The following TLE1 variants were observed in gnomAD, a reference collection of about 807,000 sequenced individuals.
The protein encoded by TLE1 is transducin-like enhancer protein 1.
A neutral mutation model predicts 89.8 loss-of-function variants in TLE1; 21 were observed. The ratio of observed to expected loss-of-function variants is 0.23; its 90% CI spans 0.17 to 0.34. The LOEUF is 0.34. TLE1 is among the 10% of genes least tolerant of loss of function. The pLI is 1.00. For missense variants in TLE1, 795 were observed against 1,031.2 expected, an observed-to-expected ratio of 0.77 and a Z score of 3.14; for synonymous variants, 447 against 407.6, an observed-to-expected ratio of 1.10 and a Z score of -1.16.
At chr9:81,602,609 A>T (rs913043063) in intron 14 of TLE1, among the ~76,000 whole-genome samples, 6 of 152,166 alleles carry the variant, frequency 3.9e-5, no homozygotes, top group African/African-American at 1.4e-4. Flanking sequence ...GTACTCAAAA[A>T]GTTTCAGATT....
intron 4 of TLE1, among the ~76,000 whole-genome samples, chr9:81,657,667 G>A (rs766927458): frequency 2.0e-5 from 3 of 152,072 alleles, no homozygotes; most frequent in South Asian, 4.2e-4. Flanking sequence ...GTGGTCTCTC[G>A]GTATCTGTGA....
intron 17 of TLE1, among the ~76,000 whole-genome samples, chr9:81,587,223 G>A (rs1304213962): frequency 6.6e-6 from 1 of 152,162 alleles, no homozygotes; most frequent in African/African-American, 2.4e-5. Flanking sequence ...GCTCTCTGGT[G>A]CGGGGTAAAT....
rs35060460 is a variant in TLE1, at chr9:81,675,698, G to GTTTTTTTTTT, written c.234+9977_234+9978insAAAAAAAAAA. On this transcript the variant is annotated intron_variant, in intron 4 of 19. Transcript: ENST00000376499. The stretch of plus-strand genomic sequence containing the variant: ...AATTTTAGCATAAGGACTCACACTA[G>GTTTTTTTTTT]TTTTTTTTTGTTTTTTTTTTTGAGA... Among the ~76,000 whole-genome samples the GTTTTTTTTTT allele has an allele frequency of 4.6e-3, 598 of 129,422 alleles. 62 individuals carry two copies. Among genetic ancestry groups the GTTTTTTTTTT allele is most frequent in the Non-Finnish European group, 5.6e-3 (356 of 63,738 alleles). 84.9% of individuals were successfully genotyped at this position (129,422 alleles called of 152,430 possible). A position where few individuals can be genotyped will look rare whatever the true frequency, so the allele number is the denominator to read the frequency against.
chr9:81,592,185 C>T (rs62578590), intron 15 of TLE1, among the ~76,000 whole-genome samples: 11,367 of 152,182 alleles, frequency 0.075, 505 homozygotes, highest in Middle Eastern at 0.15. Flanking sequence ...GGTGAAACCC[C>T]GTCTCTACTA....
chr9:81,678,843 G>GA lies in TLE1; in HGVS notation c.234+6832dup, dbSNP rs571527868. On this transcript the variant is annotated intron_variant, in intron 4 of 19. Coordinates refer to ENST00000376499, the MANE Select transcript of TLE1 (RefSeq NM_005077.5). The stretch of plus-strand genomic sequence containing the variant: ...TGACAGAGCAAGACTCCATCTCAAA[G>GA]AAAAAAAAAATTAGGGGCTGGGACC... Among the ~76,000 whole-genome samples the GA allele has an allele frequency of 2.0e-3, 295 of 145,242 alleles. 1 individual carries two copies. The highest frequency in any genetic ancestry group is 7.8e-3 in the Middle Eastern group (2 of 258).
chr9:81,592,271 C>T (rs543759136), intron 15 of TLE1, among the ~76,000 whole-genome samples: 62 of 152,258 alleles, frequency 4.1e-4, no homozygotes, highest in East Asian at 9.7e-4. Context: ...GGCAGGAGAA[C>T]GGCGTAAACC....
intron 17 of TLE1, among the ~76,000 whole-genome samples, chr9:81,586,757 A>C (rs2131745068): frequency 6.6e-6 from 1 of 152,322 alleles, no homozygotes; most frequent in South Asian, 2.1e-4. Context: ...TGCTGTACTC[A>C]TATGTATTTG....
intron 8 of TLE1, among the ~76,000 whole-genome samples, chr9:81,628,420 G>T (rs1340601499): frequency 6.6e-6 from 1 of 152,190 alleles, no homozygotes; most frequent in Non-Finnish European, 1.5e-5. Context: ...CTCCGGGAAT[G>T]AACGTGATTT....
chr9:81,613,071 G>C (rs1424869371), intron 12 of TLE1, among the ~76,000 whole-genome samples: 3 of 152,120 alleles, frequency 2.0e-5, no homozygotes, highest in African/African-American at 4.8e-5. Flanking sequence ...CAAAGCCCAG[G>C]AGGCAGAGGT....
chr9:81,613,865 A>G (rs1784615520), intron 11 of TLE1, among the ~76,000 whole-genome samples: 2 of 149,480 alleles, frequency 1.3e-5, no homozygotes, highest in African/African-American at 4.9e-5. Flanking sequence ...TCAGAAACAC[A>G]TGTCCTGGCC....
In TLE1 at chr9:81,611,827, G is replaced by A. The variant is rs1205893807; in HGVS notation, c.1196C>T (p.Pro399Leu). ...CGCGGCGGCTGCGGCGCTCATCTGG[G>A]GCGACATGTTGTGTAAACTGGCGTA... ...AAYASLHNMS[P>L]QMSAAAAAAA... is the part of the protein sequence containing the mutation. Residue 399 changes from proline to leucine, a missense_variant, in exon 13 of 20, where the codon CCC (proline) becomes CTC (leucine). By Grantham distance (98) the Pro-to-Leu change is moderately conservative. Around this residue, in one of 4 missense-constraint regions of TLE1, gnomAD observed 468 missense variants for 509.1 expected, o/e 0.92. Transcript: ENST00000376499. 1.3e-6 allele frequency: 2 copies of A among 1,560,956 alleles called. No homozygotes were observed. Among genetic ancestry groups the A allele is most frequent in the Non-Finnish European group, 1.7e-6 (2 of 1,158,362 alleles).
chr9:81,688,080 C>T, intron 1 of TLE1, 137 bp downstream of exon 1: 1 of 1,112,200 alleles, frequency 9.0e-7, no homozygotes. Flanking sequence ...GAAGAGAGGG[C>T]CCCAGACCTC....
intron 6 of TLE1, among the ~76,000 whole-genome samples, chr9:81,639,946 C>T (rs1827902195): frequency 6.6e-6 from 1 of 152,080 alleles, no homozygotes; most frequent in African/African-American, 2.4e-5. Context: ...GTTTCTCAGG[C>T]TATGATTCTA....
intron 6 of TLE1, among the ~76,000 whole-genome samples, chr9:81,634,996 G>A (rs1171674954): frequency 1.3e-5 from 2 of 152,106 alleles, no homozygotes; most frequent in African/African-American, 4.8e-5. Context: ...GTACTGTGAG[G>A]AAGTATTGCA....
At chr9:81,677,564 CAAA>C (rs60091510) in intron 4 of TLE1, among the ~76,000 whole-genome samples, 3 of 85,596 alleles carry the variant, frequency 3.5e-5, no homozygotes, top group Admixed American at 2.7e-4. Flanking sequence ...GACTCCATCT[CAAA>C]AAAAAAAAAA....
chr9:81,603,863 A>T (rs2131969410), intron 14 of TLE1, among the ~76,000 whole-genome samples: 1 of 152,118 alleles, frequency 6.6e-6, no homozygotes, highest in East Asian at 1.9e-4. Context: ...TTAGCCGGAC[A>T]TGGCGGTGTA....
intron 4 of TLE1, among the ~76,000 whole-genome samples, chr9:81,663,758 C>T (rs1831119859): frequency 6.6e-6 from 1 of 151,750 alleles, no homozygotes; most frequent in Non-Finnish European, 1.5e-5. Context: ...TCCCGAGTAG[C>T]TGGGACTACA....
At chr9:81,674,235 T>C (rs1039918520) in intron 4 of TLE1, among the ~76,000 whole-genome samples, 1 of 152,238 alleles carries the variant, frequency 6.6e-6, no homozygotes, top group African/African-American at 2.4e-5. Flanking sequence ...ATACATTTAC[T>C]GCAAATCCCA....
Position 81,634,122 on chromosome 9 carries a change from C to G in TLE1, c.552G>C (p.Lys184Asn). ...QSHLAIKDDK[K>N]HHDAEHHRDR... ...CTCTGTGGTGCTCTGCATCGTGGTGCTTCTTGTCATCTTTTATTGCCAAGT... is the reference window on the plus strand; with the variant it reads ...CTCTGTGGTGCTCTGCATCGTGGTGGTTCTTGTCATCTTTTATTGCCAAGT... The change falls in exon 7 of 20, where the codon AAG (lysine) becomes AAC (asparagine). Residue 184 changes from lysine (K) to asparagine (N), a missense_variant. Transcript: ENST00000376499. 3 of 1,609,364 alleles carry G rather than the reference C, an allele frequency of 1.9e-6. No homozygotes were observed. The highest frequency in any genetic ancestry group is 2.5e-6 in the Non-Finnish European group (3 of 1,177,504).
Sources: gnomAD v4.1 joint callset for allele counts (sites outside exome capture counted in the v4.1 genomes callset) on GRCh38, gnomAD v4.1.1 for gene constraint, gnomAD v4.1.1 regional missense constraint, MANE v1.5 for transcripts, NCBI Gene and HGNC (gene_info 2026-07-23, HGNC 2026-07-21) for gene names.